Variants in MACROD2 observed in about 807,000 individuals in gnomAD.
MACROD2 encodes the protein mono-ADP ribosylhydrolase 2.
A neutral mutation model predicts 70.4 loss-of-function variants in MACROD2; 36 were observed. The observed-to-expected ratio is 0.51, with a 90% CI of 0.39 to 0.68. The LOEUF (loss-of-function observed/expected upper bound fraction) is 0.68. Ranked by LOEUF, MACROD2 falls within the 30% of genes least tolerant of loss-of-function variation. MACROD2 has a pLI of 0.00. For missense variants in MACROD2, 496 were observed against 538.4 expected, an observed-to-expected ratio of 0.92 and a Z score of 0.78; for synonymous variants, 172 against 178.8, an observed-to-expected ratio of 0.96 and a Z score of 0.30.
chr20:15,098,352 G>A (rs1038241310), intron 5 of MACROD2, among the ~76,000 whole-genome samples: 7 of 152,162 alleles, frequency 4.6e-5, no homozygotes, highest in African/African-American at 1.7e-4. Context: ...CTGAATTTGG[G>A]TGGCGGCTCT....
chr20:14,948,913 A>C (rs1400494589), intron 5 of MACROD2, among the ~76,000 whole-genome samples: 1 of 152,202 alleles, frequency 6.6e-6, no homozygotes, highest in Non-Finnish European at 1.5e-5. Flanking sequence ...ACAGGTTGAC[A>C]TTATCACAAA....
intron 3 of MACROD2, among the ~76,000 whole-genome samples, chr20:14,463,034 A>G (rs1342536351): frequency 6.6e-6 from 1 of 152,070 alleles, no homozygotes; most frequent in Non-Finnish European, 1.5e-5. Context: ...TTTTGGTTCC[A>G]TATGAACTTT....
chr20:15,286,238 A>AGC (rs1435136212), intron 6 of MACROD2, among the ~76,000 whole-genome samples: 2 of 152,168 alleles, frequency 1.3e-5, no homozygotes, highest in Non-Finnish European at 2.9e-5. Flanking sequence ...TAATAAAATC[A>AGC]GTGAGTAATG....
intron 3 of MACROD2, among the ~76,000 whole-genome samples, chr20:14,399,026 T>A (rs2083609857): frequency 6.6e-6 from 1 of 151,720 alleles, no homozygotes; most frequent in Non-Finnish European, 1.5e-5. Flanking sequence ...TGAGTATTTT[T>A]TTTTTTTTTT....
intron 5 of MACROD2, among the ~76,000 whole-genome samples, chr20:14,916,988 C>T (rs1468464733): frequency 2.0e-5 from 3 of 151,918 alleles, no homozygotes; most frequent in Non-Finnish European, 2.9e-5. Context: ...AAACTTAACT[C>T]TCTGTGGCAC....
chr20:15,660,245 G>A (rs558500627), intron 8 of MACROD2, among the ~76,000 whole-genome samples: 139 of 152,106 alleles, frequency 9.1e-4, no homozygotes, highest in African/African-American at 3.3e-3. Context: ...TCACAAGTTT[G>A]TTCATCTATT....
intron 15 of MACROD2, among the ~76,000 whole-genome samples, chr20:16,021,204 G>A (rs2066996794): frequency 6.6e-6 from 1 of 152,138 alleles, no homozygotes; most frequent in African/African-American, 2.4e-5. Flanking sequence ...AATAATACCT[G>A]TACTCAGAAC....
At chr20:14,981,044 GTGTGTGTGCA>G (rs1196763854) in intron 5 of MACROD2, among the ~76,000 whole-genome samples, 4 of 151,444 alleles carry the variant, frequency 2.6e-5, no homozygotes, top group Non-Finnish European at 5.9e-5. Flanking sequence ...GTGTGTGTGT[GTGTGTGTGCA>G]TGTGTGTATG....
chr20:14,604,296 A>G (rs1982667166), intron 4 of MACROD2, among the ~76,000 whole-genome samples: 1 of 152,196 alleles, frequency 6.6e-6, no homozygotes, highest in African/African-American at 2.4e-5. Context: ...ATTGGCTCCT[A>G]CTATTGCTTC....
intron 6 of MACROD2, among the ~76,000 whole-genome samples, chr20:15,249,220 G>A (rs188385748): frequency 6.6e-6 from 1 of 152,256 alleles, no homozygotes; most frequent in African/African-American, 2.4e-5. Context: ...AGTCTCAGGA[G>A]GTTATCTGTG....
chr20:14,664,172 C>T (rs1219334085), intron 4 of MACROD2, among the ~76,000 whole-genome samples: 1 of 151,998 alleles, frequency 6.6e-6, no homozygotes, highest in African/African-American at 2.4e-5. Context: ...GAAAAGAAAA[C>T]ACTGTATTTT....
rs71192310 is a variant in MACROD2 at position 15,995,649 on chromosome 20, C to CTTTTT, written c.1153+8507_1153+8511dup. 6.4e-4 allele frequency among the ~76,000 whole-genome samples: 55 copies of CTTTTT among 85,488 alleles called. 1 individual carries two copies. Among genetic ancestry groups the CTTTTT allele is most frequent in the Non-Finnish European group, 1.1e-3 (47 of 43,180 alleles). 56.1% of individuals were successfully genotyped at this position (85,488 alleles called of 152,430 possible). On this transcript the variant is annotated intron_variant, in intron 15 of 17. Coordinates refer to ENST00000684519, the MANE Select transcript of MACROD2 (RefSeq NM_001351661.2). The stretch of plus-strand genomic sequence containing the variant: ...ACAGGCATGAGCCACTATGCCCGGC[C>CTTTTT]TTTTTTTTTTTTTTTTTTTTAACTT...
intron 5 of MACROD2, among the ~76,000 whole-genome samples, chr20:15,121,701 TA>T (rs2076032323): frequency 6.6e-6 from 1 of 152,112 alleles, no homozygotes; most frequent in East Asian, 1.9e-4. Context: ...ATTTTAAACA[TA>T]AAATTACTTT....
intron 5 of MACROD2, among the ~76,000 whole-genome samples, chr20:14,850,707 CA>C (rs1351805938): frequency 1.3e-5 from 2 of 152,100 alleles, no homozygotes; most frequent in African/African-American, 4.8e-5. Context: ...CTCCACACAG[CA>C]GAATGTGTTT....
intron 4 of MACROD2, among the ~76,000 whole-genome samples, chr20:14,537,683 T>C (rs2123224118): frequency 6.6e-6 from 1 of 152,318 alleles, no homozygotes; most frequent in South Asian, 2.1e-4. Flanking sequence ...GCTTCAGGGC[T>C]CTATTAATGT....
intron 5 of MACROD2, among the ~76,000 whole-genome samples, chr20:14,745,855 C>T (rs1463217553): frequency 6.6e-6 from 1 of 152,042 alleles, no homozygotes; most frequent in East Asian, 1.9e-4. Flanking sequence ...ACTAAAGATC[C>T]ATTTGCTTCT....
chr20:16,005,345 A>G (rs531870253), intron 15 of MACROD2, among the ~76,000 whole-genome samples: 1 of 152,302 alleles, frequency 6.6e-6, no homozygotes, highest in East Asian at 1.9e-4. Context: ...AGAAAAGAAA[A>G]AAGGAGAAGC....
At chr20:14,067,827 G>C (rs1485353895) in intron 2 of MACROD2, among the ~76,000 whole-genome samples, 1 of 152,146 alleles carries the variant, frequency 6.6e-6, no homozygotes, top group Admixed American at 6.5e-5. Flanking sequence ...GAGGCAGTTT[G>C]CACAGTGACT....
Position 15,301,720 on chromosome 20 carries a change from A to G in MACROD2, c.540+71659A>G, listed in dbSNP as rs181938916. ...GTGTTGGGATCACAGGCATGAGCCA[A>G]TGCACCTGCCTAAAATTATATCTCT... On this transcript the variant is annotated intron_variant, in intron 6 of 17. Coordinates refer to ENST00000684519, the MANE Select transcript of MACROD2 (RefSeq NM_001351661.2). Among the ~76,000 whole-genome samples, 6 of 151,212 alleles carry G rather than the reference A, an allele frequency of 4.0e-5. No individual in the cohort carries two copies. The East Asian group carries it at 5.8e-4, about 15-fold the overall frequency.
Sources: gnomAD v4.1 joint callset for allele counts (sites outside exome capture counted in the v4.1 genomes callset) on GRCh38, gnomAD v4.1.1 for gene constraint, MANE v1.5 for transcripts, NCBI Gene and HGNC (gene_info 2026-07-23, HGNC 2026-07-21) for gene names.